Variants in UBN2 observed in about 807,000 individuals in gnomAD.
UBN2 encodes the protein ubinuclein-2.
UBN2 carries 35 observed loss-of-function variants against 120.2 expected under a neutral mutation model. The ratio of observed to expected loss-of-function variants is 0.29; its 90% CI spans 0.22 to 0.39. The LOEUF (loss-of-function observed/expected upper bound fraction) is 0.39. Among genes scored for constraint, UBN2 ranks in the 10% least tolerant of loss-of-function variants. The probability of loss-of-function intolerance (pLI) is 1.00; values close to 1 mark genes in which losing one functional copy is unlikely to be tolerated. For synonymous variants in UBN2, 661 were observed against 648.7 expected (o/e 1.02, Z -0.29); for missense variants, 1,693 against 1,663.2 (o/e 1.02, Z -0.31).
chr7:139,315,076 C>T, the UBN2 span, among the ~76,000 whole-genome samples: 1 of 151,638 alleles, frequency 6.6e-6, no homozygotes, highest in Admixed American at 6.6e-5. Context: ...CCCGGGTTCA[C>T]GCCAATCTCC....
chr7:139,254,900 C>T (rs1454843022), intron 3 of UBN2, among the ~76,000 whole-genome samples: 1 of 152,166 alleles, frequency 6.6e-6, no homozygotes, highest in African/African-American at 2.4e-5. Context: ...CATGCTGTAC[C>T]ACAGTAGGAC....
At chr7:139,281,775 A>G (rs1344451812) in intron 13 of UBN2, among the ~76,000 whole-genome samples, 1 of 152,202 alleles carries the variant, frequency 6.6e-6, no homozygotes, top group Non-Finnish European at 1.5e-5. Flanking sequence ...TACTTTTTAT[A>G]ATGGAATTTT....
At chr7:139,234,363 C>T (rs988556657) in intron 1 of UBN2, among the ~76,000 whole-genome samples, 4 of 152,050 alleles carry the variant, frequency 2.6e-5, no homozygotes, top group Non-Finnish European at 5.9e-5. Flanking sequence ...AAATCAGTTC[C>T]CTTCTTAAAT....
At chr7:139,279,764 T>A (rs1227376896) in intron 13 of UBN2, among the ~76,000 whole-genome samples, 1 of 152,256 alleles carries the variant, frequency 6.6e-6, no homozygotes, top group East Asian at 1.9e-4. Flanking sequence ...CTTTATGGTT[T>A]CTTTTTACGT....
intron 2 of UBN2, among the ~76,000 whole-genome samples, chr7:139,251,718 C>T (rs571749160): frequency 5.9e-5 from 9 of 152,292 alleles, no homozygotes; most frequent in South Asian, 4.1e-4. Flanking sequence ...TGACTGTAGT[C>T]ACCTAGAGAG....
At chr7:139,236,453 A>C (rs1247258148) in intron 1 of UBN2, among the ~76,000 whole-genome samples, 1 of 152,234 alleles carries the variant, frequency 6.6e-6, no homozygotes, top group Non-Finnish European at 1.5e-5. Flanking sequence ...AGATGGTTGA[A>C]GTGTTGCTTT....
At chr7:139,259,445 C>T (rs1201048591) in intron 5 of UBN2, 75 bp downstream of exon 5, 3 of 1,558,820 alleles carry the variant, frequency 1.9e-6, no homozygotes, top group South Asian at 2.4e-5. Flanking sequence ...GATATACTTA[C>T]CATTAACTAA....
intron 6 of UBN2, among the ~76,000 whole-genome samples, chr7:139,264,551 C>A (rs909381582): frequency 2.0e-5 from 3 of 151,862 alleles, no homozygotes; most frequent in African/African-American, 2.4e-5. Flanking sequence ...CGATTTGGAC[C>A]TCTTTTTTTT....
At chr7:139,288,280 TATG>T (rs1235902477) in intron 15 of UBN2, among the ~76,000 whole-genome samples, 1 of 152,100 alleles carries the variant, frequency 6.6e-6, no homozygotes, top group Non-Finnish European at 1.5e-5. Flanking sequence ...TGTAGGATAA[TATG>T]ATAAAAGTGA....
At position 139,261,269 on chromosome 7, in the gene UBN2, C is replaced by G. The variant is rs1796922076; in HGVS notation, c.923C>G (p.Ser308Ter). Residue 308 changes from serine to a stop codon, truncating the protein, a stop_gained, in exon 6 of 18, where the codon TCA (serine) becomes TGA (stop). Transcript: ENST00000473989. LOFTEE classifies it high-confidence loss of function. The stretch of plus-strand genomic sequence containing the variant: ...CTTCACAGAGTTGTGGCTCTAAATT[C>G]ACACAAGTCTGAAAAAAAGAAGAAA... Reference protein sequence around the residue: ...PKQLGVVALNSHKSEKKKKRY... With the variant: ...PKQLGVVALN The G allele has an allele frequency of 1.2e-6, 2 of 1,606,906 alleles. No individual in the cohort carries two copies. The highest frequency in any genetic ancestry group is 1.3e-5 in the African/African-American group (1 of 74,212).
intron 1 of UBN2, among the ~76,000 whole-genome samples, chr7:139,233,369 G>C (rs1417836769): frequency 6.6e-6 from 1 of 152,048 alleles, no homozygotes; most frequent in Non-Finnish European, 1.5e-5. Flanking sequence ...CATTGTATTT[G>C]AGCTGCTAAT....
intron 6 of UBN2, among the ~76,000 whole-genome samples, chr7:139,263,229 A>T (rs1023039184): frequency 1.2e-4 from 19 of 152,344 alleles, no homozygotes; most frequent in African/African-American, 4.1e-4. Flanking sequence ...GACAAATTAT[A>T]TGTATATATA....
At chr7:139,248,563 C>T (rs1291708525) in intron 2 of UBN2, among the ~76,000 whole-genome samples, 2 of 152,076 alleles carry the variant, frequency 1.3e-5, no homozygotes, top group African/African-American at 2.4e-5. Flanking sequence ...CCTTTTTCAT[C>T]TTTAATTCTT....
chr7:139,318,420 TTC>T, the UBN2 span, among the ~76,000 whole-genome samples: 1 of 152,228 alleles, frequency 6.6e-6, no homozygotes, highest in Admixed American at 6.5e-5. Flanking sequence ...GGTGGCTTAT[TTC>T]TCTGTGTGTT....
At chr7:139,254,847 T>C (rs944330252) in intron 3 of UBN2, among the ~76,000 whole-genome samples, 3 of 152,222 alleles carry the variant, frequency 2.0e-5, no homozygotes, top group Non-Finnish European at 4.4e-5. Context: ...AGAGTTTCCA[T>C]GAACACCTTG....
At chr7:139,297,192 T>C (rs1316420177) in intron 17 of UBN2, among the ~76,000 whole-genome samples, 2 of 122,492 alleles carry the variant, frequency 1.6e-5, no homozygotes, top group Non-Finnish European at 3.3e-5. Context: ...AGACTCCGTC[T>C]CAAAAAAAAA....
the UBN2 span, among the ~76,000 whole-genome samples, chr7:139,325,991 G>A: frequency 4.6e-5 from 7 of 151,756 alleles, no homozygotes; most frequent in Non-Finnish European, 1.0e-4. Flanking sequence ...AGGGGTTTGA[G>A]ACCAGCCTGG....
At chr7:139,248,631 C>T (rs73466683) in intron 2 of UBN2, among the ~76,000 whole-genome samples, 2,918 of 152,036 alleles carry the variant, frequency 0.019, 101 homozygotes, top group African/African-American at 0.066. Flanking sequence ...TTCTTATATT[C>T]CTACCTCATC....
chr7:139,269,075 G>A (rs1157625274), intron 7 of UBN2, among the ~76,000 whole-genome samples: 6 of 152,116 alleles, frequency 3.9e-5, no homozygotes, highest in Non-Finnish European at 7.4e-5. Context: ...TGGGCATGGT[G>A]GCGGGTGCCT....
Sources: allele counts gnomAD v4.1 joint callset (sites outside exome capture counted in the v4.1 genomes callset), GRCh38; gene constraint gnomAD v4.1.1; transcripts MANE v1.5; gene names NCBI Gene and HGNC (gene_info 2026-07-23, HGNC 2026-07-21).